Variants in HDAC5 observed in about 807,000 individuals in gnomAD.
HDAC5 encodes the protein histone deacetylase 5, also known as antigen NY-CO-9.
Under a neutral mutation model 133.3 loss-of-function variants are expected in HDAC5, and 25 were observed. That is an observed-to-expected ratio of 0.19 (90% CI 0.14 to 0.26). The LOEUF (loss-of-function observed/expected upper bound fraction) is 0.26, where lower values mean the gene tolerates loss of function less well. Among genes scored for constraint, HDAC5 ranks in the 10% least tolerant of loss-of-function variants. The pLI, the probability that HDAC5 is intolerant of heterozygous loss-of-function variation, is 1.00. For synonymous variants in HDAC5, 589 were observed against 610.8 expected, an observed-to-expected ratio of 0.96 and a Z score of 0.53; for missense variants, 1,041 against 1,460.5, an observed-to-expected ratio of 0.71 and a Z score of 4.68.
Position 44,110,596 on chromosome 17 carries a change from T to C in HDAC5, c.94+133A>G, listed in dbSNP as rs575525586. On this transcript the variant is annotated intron_variant, in intron 3 of 26. Coordinates refer to ENST00000682912, the MANE Select transcript of HDAC5 (RefSeq NM_005474.5). ...TCTCTGAGCAGGGATCCCCCAGCCC[T>C]GTGTATTCTCAACAAAACTCTCAAG... 10 of 709,784 alleles carry C rather than the reference T, an allele frequency of 1.4e-5. No homozygotes were observed. In the Admixed American group the frequency reaches 1.5e-4, roughly 11 times the overall value. The allele number at this position is 709,784 out of a possible 1,614,324, so 44.0% of individuals were successfully genotyped here. A position where few individuals can be genotyped will look rare whatever the true frequency, so the allele number is the denominator to read the frequency against.
intron 16 of HDAC5, 73 bp downstream of exon 16, chr17:44,084,478 TCAGG>T (rs1363747645): frequency 2.5e-6 from 4 of 1,575,640 alleles, no homozygotes; most frequent in Non-Finnish European, 1.7e-6. Flanking sequence ...CCTAGCCTGG[TCAGG>T]CAGTCTTCCT....
At chr17:44,088,344 T>C in intron 12 of HDAC5, 43 bp downstream of exon 12, 1 of 1,537,694 alleles carries the variant, frequency 6.5e-7, no homozygotes, top group South Asian at 1.2e-5. Flanking sequence ...TCCTGTGTCC[T>C]GCCCCCACCA....
At chr17:44,090,775 C>T (rs923386441) in intron 11 of HDAC5, among the ~76,000 whole-genome samples, 2 of 152,020 alleles carry the variant, frequency 1.3e-5, no homozygotes, top group South Asian at 2.1e-4. Flanking sequence ...CTGCAAGCTC[C>T]GCCTCCCAGG....
chr17:44,079,327 T>A (rs1343683207), intron 23 of HDAC5, 50 bp from the exon 24 acceptor site: 1 of 1,584,722 alleles, frequency 6.3e-7, no homozygotes, highest in Admixed American at 1.7e-5. Context: ...AGGTAATCAA[T>A]CAATTCAAGA....
chr17:44,117,416 G>T lies in HDAC5; in HGVS notation c.22+78C>A. On this transcript the variant is annotated intron_variant, in intron 2 of 26. Transcript: ENST00000682912. The surrounding 1 kb of genome is among the most constrained non-coding windows in gnomAD (Gnocchi z 4.2). ...TAGCTCAGACAGTAAAGGTCAGCTG[G>T]CCTGGAAGGGAAACCCACACAGCCC... 2.0e-6 allele frequency: 3 copies of T among 1,471,348 alleles called. No individual in the cohort carries two copies. The highest frequency in any genetic ancestry group is 2.9e-6 in the Non-Finnish European group (3 of 1,049,746). 91.1% of individuals were successfully genotyped at this position (1,471,348 alleles called of 1,614,324 possible).
Position 44,083,614 on chromosome 17 carries a change from G to A in HDAC5, c.2394C>T (p.Ser798=), listed in dbSNP as rs201186911. ...AGCCCACTGCCATGCGCACAGCACT[G>A]GAGGAGTGCATCTCATTCCACACGG... ...SDTVWNEMHS[S]SAVRMAVGCL... is the part of the protein sequence containing the mutation. Residue 798 remains serine (S), a synonymous_variant, in exon 18 of 27, where the codon TCC becomes TCT. Coordinates refer to ENST00000682912, the MANE Select transcript of HDAC5 (RefSeq NM_005474.5). The A allele has an allele frequency of 4.5e-5, 72 of 1,614,096 alleles. No homozygotes were observed. In the East Asian group the frequency reaches 1.4e-3, roughly 32 times the overall value.
At chr17:44,098,917 G>A (rs1215272359) in intron 3 of HDAC5, among the ~76,000 whole-genome samples, 1 of 151,710 alleles carries the variant, frequency 6.6e-6, no homozygotes, top group African/African-American at 2.4e-5. Flanking sequence ...AGGAGTTCAA[G>A]ACCAGCCTGG....
rs745389068 is a variant in HDAC5 at position 44,080,064 on chromosome 17, CCTCA to C, written c.2944+39_2944+42del. 6.5e-6 allele frequency: 9 copies of C among 1,379,372 alleles called. No homozygotes were observed. The African/African-American group carries it at 8.5e-5, about 13-fold the overall frequency. 85.4% of individuals were successfully genotyped at this position (1,379,372 alleles called of 1,614,324 possible). ...CCCCATGCCTCACTGGACTCGATAT[CCTCA>C]CTGTTTCACTTCCTCCCTCAATCCC... is the stretch of plus-strand genomic sequence containing the variant. On this transcript the variant is annotated intron_variant, in intron 23 of 26. Coordinates refer to ENST00000682912, the MANE Select transcript of HDAC5 (RefSeq NM_005474.5).
intron 2 of HDAC5, among the ~76,000 whole-genome samples, chr17:44,116,266 T>G (rs912096800): frequency 6.6e-6 from 1 of 152,156 alleles, no homozygotes; most frequent in Admixed American, 6.5e-5. Context: ...CCAGCCAAGA[T>G]GCACGAGGGA....
At chr17:44,084,450 G>T in intron 16 of HDAC5, 105 bp downstream of exon 16, 2 of 1,379,682 alleles carry the variant, frequency 1.4e-6, no homozygotes, top group Non-Finnish European at 2.0e-6. Context: ...AATGCCCTAT[G>T]CCCGTGGGGA....
chr17:44,083,713 C>T, intron 17 of HDAC5, 61 bp from the exon 18 acceptor site: 1 of 1,583,864 alleles, frequency 6.3e-7, no homozygotes, highest in Non-Finnish European at 8.7e-7. Context: ...GGGGAGGGCA[C>T]CTGGACAGTG....
intron 9 of HDAC5, 70 bp from the exon 10 acceptor site, chr17:44,091,901 G>A (rs940166805): frequency 1.6e-5 from 24 of 1,477,654 alleles, no homozygotes; most frequent in African/African-American, 4.2e-5. Flanking sequence ...GGCAACCTGG[G>A]GCCAAGGCCA....
chr17:44,081,570 T>C (rs1370397887), intron 20 of HDAC5: 2 of 147,416 alleles, frequency 1.4e-5, no homozygotes. Flanking sequence ...TTTTCCTTTT[T>C]CTTTTCTTTC....
At position 44,087,572 on chromosome 17, in the gene HDAC5, C is replaced by A. The variant is rs1419336908; in HGVS notation, c.1724G>T (p.Gly575Val). 8 of 1,614,146 alleles carry A rather than the reference C, an allele frequency of 5.0e-6. No individual in the cohort carries two copies. In the South Asian group the frequency reaches 8.8e-5, roughly 18 times the overall value. ...CTGTGTGCTCTCACTCTCTGTGGAG[C>A]CCTCCCGGGGCATGGTCAGGGCTCC... Reference protein sequence around the residue: ...GEGALTMPREGSTESESTQED... With the variant: ...GEGALTMPREVSTESESTQED... The change falls in exon 13 of 27, where the codon GGC (glycine) becomes GTC (valine). Residue 575 changes from glycine (G) to valine (V), a missense_variant. By Grantham distance (109) the Gly-to-Val change is moderately radical (BLOSUM62 -3). Coordinates refer to ENST00000682912, the MANE Select transcript of HDAC5 (RefSeq NM_005474.5).
At chr17:44,123,062 CA>C (rs1483741731) in intron 1 of HDAC5, among the ~76,000 whole-genome samples, 2 of 152,196 alleles carry the variant, frequency 1.3e-5, no homozygotes, top group East Asian at 3.8e-4. Context: ...TCTGGGTGGA[CA>C]GCACCCCTCA....
In HDAC5 at chr17:44,093,222, C is replaced by T. The variant is rs1294605470; in HGVS notation, c.527-16G>A. The T allele has an allele frequency of 6.3e-6, 10 of 1,598,668 alleles. No homozygotes were observed. The highest frequency in any genetic ancestry group is 8.5e-6 in the Non-Finnish European group (10 of 1,169,808). The stretch of plus-strand genomic sequence containing the variant: ...GCAATGGCACCTGCAGGACAGGGCA[C>T]AACTGACCTGGCTGCTTGGGGCCAG... On this transcript the variant is annotated splice_polypyrimidine_tract_variant and intron_variant, in intron 5 of 26. Transcript: ENST00000682912.
At chr17:44,102,909 C>A (rs992587023) in intron 3 of HDAC5, among the ~76,000 whole-genome samples, 1 of 152,062 alleles carries the variant, frequency 6.6e-6, no homozygotes, top group Non-Finnish European at 1.5e-5. Context: ...CTCAGCTGAT[C>A]CACCCGCCTC....
At chr17:44,086,865 C>T (rs1335404395) in intron 13 of HDAC5, 128 bp from the exon 14 acceptor site, 2 of 551,768 alleles carry the variant, frequency 3.6e-6, no homozygotes, top group Non-Finnish European at 5.5e-6. Context: ...CCCCCACCTC[C>T]TCCCACTTGC....
intron 2 of HDAC5, among the ~76,000 whole-genome samples, chr17:44,113,256 T>C (rs1191918529): frequency 3.3e-5 from 5 of 151,980 alleles, no homozygotes; most frequent in African/African-American, 7.3e-5. Context: ...CACCCAGACA[T>C]TGAAGGAAAC....
Sources: gnomAD v4.1 joint callset for allele counts (sites outside exome capture counted in the v4.1 genomes callset) on GRCh38, gnomAD v4.1.1 for gene constraint, Gnocchi (gnomAD v3.1) non-coding constraint, MANE v1.5 for transcripts, NCBI Gene and HGNC (gene_info 2026-07-23, HGNC 2026-07-21) for gene names.